The following NKAIN2 variants were observed in gnomAD, a reference collection of about 807,000 sequenced individuals.
NKAIN2 encodes sodium/potassium-transporting ATPase subunit beta-1-interacting protein 2.
A neutral mutation model predicts 32.6 loss-of-function variants in NKAIN2; 14 were observed. The observed-to-expected ratio is 0.43, with a 90% CI of 0.28 to 0.67. The LOEUF is 0.67. Ranked by LOEUF, NKAIN2 falls within the 30% of genes least tolerant of loss-of-function variation. NKAIN2 has a pLI of 0.17. For missense variants in NKAIN2, 198 were observed against 258.3 expected (o/e 0.77, Z 1.60); for synonymous variants, 80 against 87.2 (o/e 0.92, Z 0.46).
At chr6:124,477,039 G>A (rs1176192807) in intron 3 of NKAIN2, among the ~76,000 whole-genome samples, 3 of 152,162 alleles carry the variant, frequency 2.0e-5, no homozygotes, top group Non-Finnish European at 4.4e-5. Context: ...AAATAATCCT[G>A]AAGAAGAAAG....
intron 4 of NKAIN2, among the ~76,000 whole-genome samples, chr6:124,782,983 T>C (rs899554452): frequency 2.6e-5 from 4 of 152,128 alleles, no homozygotes; most frequent in African/African-American, 9.7e-5. Flanking sequence ...CTCTTATCTC[T>C]AAACCGGAAG....
intron 4 of NKAIN2, among the ~76,000 whole-genome samples, chr6:124,670,123 C>A (rs1350773510): frequency 6.6e-6 from 1 of 152,098 alleles, no homozygotes; most frequent in African/African-American, 2.4e-5. Context: ...AAATGCATTA[C>A]TATGTAACTA....
At chr6:124,584,281 TA>T (rs889207954) in intron 3 of NKAIN2, among the ~76,000 whole-genome samples, 4 of 151,986 alleles carry the variant, frequency 2.6e-5, no homozygotes, top group Non-Finnish European at 5.9e-5. Flanking sequence ...TATAAGAAAC[TA>T]AAAAAATTAA....
rs186189208 is a variant in NKAIN2, at chr6:124,214,472, G to T, written c.55-68533G>T. On this transcript the variant is annotated intron_variant, in intron 1 of 6. Coordinates refer to ENST00000368417, the MANE Select transcript of NKAIN2 (RefSeq NM_001040214.3). ...CTTACAAGGGTCAAAACTTGTGGCG[G>T]GTGTGGTGGCTCACACCTGTAATCC... Among the ~76,000 whole-genome samples the T allele has an allele frequency of 2.1e-3, 323 of 152,170 alleles. 3 individuals are homozygous for T. Among genetic ancestry groups the T allele is most frequent in the African/African-American group, 7.3e-3 (304 of 41,502 alleles).
At chr6:124,471,802 G>A (rs373885413) in intron 3 of NKAIN2, among the ~76,000 whole-genome samples, 15 of 151,872 alleles carry the variant, frequency 9.9e-5, no homozygotes, top group South Asian at 4.1e-4. Flanking sequence ...TTGTTTTTAC[G>A]TATTATTTTT....
At chr6:123,824,233 G>GAACTAA (rs1774045799) in intron 1 of NKAIN2, among the ~76,000 whole-genome samples, 6 of 152,052 alleles carry the variant, frequency 3.9e-5, no homozygotes, top group Non-Finnish European at 7.4e-5. Context: ...CAAAGTCCAT[G>GAACTAA]CACTAACACT....
At chr6:124,264,935 C>T (rs970536766) in intron 1 of NKAIN2, among the ~76,000 whole-genome samples, 5 of 152,088 alleles carry the variant, frequency 3.3e-5, no homozygotes, top group Non-Finnish European at 5.9e-5. Flanking sequence ...CAATTGATAT[C>T]TCATAATTTT....
At chr6:124,670,658 TG>T (rs1562316093) in intron 4 of NKAIN2, among the ~76,000 whole-genome samples, 9 of 151,512 alleles carry the variant, frequency 5.9e-5, no homozygotes, top group Non-Finnish European at 1.2e-4. Flanking sequence ...TGTGTGTGTG[TG>T]TGTGTGTGTG....
chr6:124,624,510 A>T (rs142130399), intron 3 of NKAIN2, among the ~76,000 whole-genome samples: 1 of 152,202 alleles, frequency 6.6e-6, no homozygotes, highest in Non-Finnish European at 1.5e-5. Context: ...TTATGCTGTC[A>T]TGAGGTGGTG....
chr6:124,216,724 C>T (rs1450406761), intron 1 of NKAIN2, among the ~76,000 whole-genome samples: 3 of 152,104 alleles, frequency 2.0e-5, no homozygotes, highest in Non-Finnish European at 4.4e-5. Flanking sequence ...TTGGCCATGA[C>T]TTGAATGTTA....
chr6:124,036,857 C>T (rs1010907887), intron 1 of NKAIN2, among the ~76,000 whole-genome samples: 5 of 152,112 alleles, frequency 3.3e-5, no homozygotes, highest in Non-Finnish European at 5.9e-5. Flanking sequence ...TATTTTCCTT[C>T]TGGTATTCCC....
intron 4 of NKAIN2, among the ~76,000 whole-genome samples, chr6:124,730,045 C>G (rs1776576254): frequency 1.7e-5 from 2 of 118,530 alleles, no homozygotes; most frequent in South Asian, 6.0e-4. Context: ...AACCACTGAT[C>G]AAGGAAATAA....
chr6:124,818,617 T>G (rs1781271102), intron 6 of NKAIN2, 149 bp downstream of exon 6: 1 of 429,742 alleles, frequency 2.3e-6, no homozygotes, highest in Non-Finnish European at 4.2e-6. Flanking sequence ...TGGGATAATT[T>G]TAATAACATT....
intron 3 of NKAIN2, among the ~76,000 whole-genome samples, chr6:124,610,834 C>CT (rs963797127): frequency 4.6e-5 from 7 of 151,778 alleles, no homozygotes; most frequent in African/African-American, 1.2e-4. Flanking sequence ...TATTTTATGA[C>CT]TTTTTTTTAA....
chr6:124,243,329 T>C (rs970826042), intron 1 of NKAIN2, among the ~76,000 whole-genome samples: 4 of 151,934 alleles, frequency 2.6e-5, no homozygotes, highest in African/African-American at 9.7e-5. Context: ...ACTCCATCTC[T>C]ACTAAAAACA....
intron 4 of NKAIN2, among the ~76,000 whole-genome samples, chr6:124,660,078 A>G (rs1296142820): frequency 6.6e-6 from 1 of 152,166 alleles, no homozygotes; most frequent in Non-Finnish European, 1.5e-5. Context: ...TAAATCAAGT[A>G]ATCATTATCA....
chr6:123,951,529 TACCATTTTTG>T (rs980779610), intron 1 of NKAIN2, among the ~76,000 whole-genome samples: 2 of 152,038 alleles, frequency 1.3e-5, no homozygotes, highest in Admixed American at 1.3e-4. Context: ...TTTCGCTTTT[TACCATTTTTG>T]ACTTAAAGTC....
chr6:124,459,104 A>G (rs894104235), intron 3 of NKAIN2, among the ~76,000 whole-genome samples: 16 of 151,804 alleles, frequency 1.1e-4, no homozygotes, highest in Admixed American at 4.6e-4. Context: ...CCCTTACTAA[A>G]ATATTTTAGA....
chr6:124,028,937 A>ATG, intron 1 of NKAIN2, among the ~76,000 whole-genome samples: 1 of 141,322 alleles, frequency 7.1e-6, no homozygotes. Flanking sequence ...ATATATATAT[A>ATG]TATAGTTTTC....
Sources: allele counts gnomAD v4.1 joint callset (sites outside exome capture counted in the v4.1 genomes callset), GRCh38; gene constraint gnomAD v4.1.1; transcripts MANE v1.5; gene names NCBI Gene and HGNC (gene_info 2026-07-23, HGNC 2026-07-21).